The following MAST4 variants were observed in gnomAD, a reference collection of about 807,000 sequenced individuals.
MAST4 encodes microtubule-associated serine/threonine-protein kinase 4.
Under a neutral mutation model 162.7 loss-of-function variants are expected in MAST4, and 89 were observed. That is an observed-to-expected ratio of 0.55 (90% confidence interval 0.46 to 0.65). MAST4 has a LOEUF of 0.65. MAST4 is among the 30% of genes least tolerant of loss of function. The pLI is 0.00. For missense variants in MAST4, 3,153 were observed against 3,374.0 expected, an observed-to-expected ratio of 0.93 and a Z score of 1.62; for synonymous variants, 1,479 against 1,361.1, an observed-to-expected ratio of 1.09 and a Z score of -1.91.
At chr5:67,026,254 C>G (rs985666176) in intron 4 of MAST4, among the ~76,000 whole-genome samples, 1 of 152,178 alleles carries the variant, frequency 6.6e-6, no homozygotes, top group African/African-American at 2.4e-5. Context: ...ACCTTCGATG[C>G]TACATTTTAG....
intron 4 of MAST4, among the ~76,000 whole-genome samples, chr5:66,971,381 GC>G (rs1747415485): frequency 6.6e-6 from 1 of 152,198 alleles, no homozygotes; most frequent in Non-Finnish European, 1.5e-5. Context: ...CTCAGCCTGG[GC>G]CAGCCTGCTA....
intron 3 of MAST4, among the ~76,000 whole-genome samples, chr5:66,838,307 G>T (rs1580598244): frequency 6.6e-6 from 1 of 152,144 alleles, no homozygotes; most frequent in Admixed American, 6.5e-5. Flanking sequence ...CAAAACATTG[G>T]CTATTTTATT....
chr5:66,691,256 TG>T (rs1749021183), intron 1 of MAST4, among the ~76,000 whole-genome samples: 1 of 152,222 alleles, frequency 6.6e-6, no homozygotes, highest in African/African-American at 2.4e-5. Flanking sequence ...CCTTTGGAGA[TG>T]GTTTATTAAG....
At chr5:66,902,914 C>T (rs1313338731) in intron 4 of MAST4, among the ~76,000 whole-genome samples, 3 of 152,074 alleles carry the variant, frequency 2.0e-5, no homozygotes, top group Non-Finnish European at 4.4e-5. Context: ...ATTGTCCTAT[C>T]CCCCTCCTTC....
chr5:66,864,478 C>T (rs1056905764), intron 3 of MAST4, among the ~76,000 whole-genome samples: 5 of 152,132 alleles, frequency 3.3e-5, no homozygotes, highest in African/African-American at 1.2e-4. Context: ...GAGGGAAGGG[C>T]AGGGGAGGTA....
intron 1 of MAST4, among the ~76,000 whole-genome samples, chr5:66,657,658 T>C (rs1167114175): frequency 3.3e-5 from 5 of 152,224 alleles, no homozygotes; most frequent in Non-Finnish European, 7.3e-5. Context: ...GTGAGTAATA[T>C]CAGCAAGGGA....
intron 1 of MAST4, among the ~76,000 whole-genome samples, chr5:66,755,796 T>C (rs1753498787): frequency 7.1e-6 from 1 of 140,136 alleles, no homozygotes; most frequent in Admixed American, 7.1e-5. Flanking sequence ...TTAAATCTAC[T>C]CTGTGATTTT....
intron 1 of MAST4, among the ~76,000 whole-genome samples, chr5:66,711,617 T>A (rs1750500471): frequency 6.6e-6 from 1 of 152,114 alleles, no homozygotes; most frequent in South Asian, 2.1e-4. Context: ...GGTGGATCAC[T>A]TGAGGTCAGG....
intron 1 of MAST4, among the ~76,000 whole-genome samples, chr5:66,686,817 T>A (rs1414556880): frequency 6.6e-6 from 1 of 152,190 alleles, no homozygotes; most frequent in Non-Finnish European, 1.5e-5. Flanking sequence ...AGCTTATACA[T>A]CTTTGGTATC....
chr5:66,608,526 C>T (rs1743057871), intron 1 of MAST4, among the ~76,000 whole-genome samples: 1 of 151,896 alleles, frequency 6.6e-6, no homozygotes, highest in African/African-American at 2.4e-5. Context: ...AATTCTTTTA[C>T]ACTTATTTGG....
intron 1 of MAST4, among the ~76,000 whole-genome samples, chr5:66,624,146 G>GTTTTTTTTTTTTTTTTTTTTTTTTT (rs200030700): frequency 1.1e-5 from 1 of 90,128 alleles, no homozygotes; most frequent in Non-Finnish European, 2.0e-5. Context: ...TTGTTAAAAT[G>GTTTTTTTTTTTTTTTTTTTTTTTTT]TTTTTTTTTT....
intron 1 of MAST4, among the ~76,000 whole-genome samples, chr5:66,739,090 A>G (rs181857918): frequency 6.6e-6 from 1 of 152,168 alleles, no homozygotes; most frequent in Non-Finnish European, 1.5e-5. Context: ...ACTTAAATGC[A>G]TTTGTGTGAT....
intron 3 of MAST4, among the ~76,000 whole-genome samples, chr5:66,855,118 G>A (rs1170457543): frequency 2.0e-5 from 3 of 152,184 alleles, no homozygotes; most frequent in African/African-American, 7.2e-5. Context: ...GTAATCCCCA[G>A]CGTTGGAGGT....
At chr5:66,982,456 A>T (rs533859636) in intron 4 of MAST4, among the ~76,000 whole-genome samples, 1 of 152,296 alleles carries the variant, frequency 6.6e-6, no homozygotes, top group African/African-American at 2.4e-5. Context: ...AAGAATATTT[A>T]TTTATTAAAG....
chr5:66,844,436 A>G (rs1758663696), intron 3 of MAST4, among the ~76,000 whole-genome samples: 1 of 152,058 alleles, frequency 6.6e-6, no homozygotes, highest in African/African-American at 2.4e-5. Flanking sequence ...CATTCTTCCT[A>G]CTACTGTTGT....
intron 3 of MAST4, among the ~76,000 whole-genome samples, chr5:66,814,928 T>C (rs974504464): frequency 6.6e-6 from 1 of 152,218 alleles, no homozygotes; most frequent in Non-Finnish European, 1.5e-5. Context: ...GCATTCTGAG[T>C]ATATAAAATA....
At chr5:66,967,072 C>T (rs1746824601) in intron 4 of MAST4, among the ~76,000 whole-genome samples, 1 of 152,168 alleles carries the variant, frequency 6.6e-6, no homozygotes, top group Non-Finnish European at 1.5e-5. Context: ...ACAGAAAAAG[C>T]ATGTTTTGTA....
At chr5:66,611,124 T>C (rs1192858534) in intron 1 of MAST4, among the ~76,000 whole-genome samples, 1 of 152,248 alleles carries the variant, frequency 6.6e-6, no homozygotes, top group Non-Finnish European at 1.5e-5. Flanking sequence ...ACAGAATTTC[T>C]TTCTGCAACA....
chr5:66,835,803 T>A (rs9918109), intron 3 of MAST4, among the ~76,000 whole-genome samples: 37,553 of 152,152 alleles, frequency 0.25, 5,732 homozygotes, highest in Non-Finnish European at 0.35. Flanking sequence ...ATCAAAGCCA[T>A]TTTACAGATG....
Sources: gnomAD v4.1 joint callset for allele counts (sites outside exome capture counted in the v4.1 genomes callset) on GRCh38, gnomAD v4.1.1 for gene constraint, MANE v1.5 for transcripts, NCBI Gene and HGNC (gene_info 2026-07-23, HGNC 2026-07-21) for gene names.